The following SORCS1 variants were observed in gnomAD, a reference collection of about 807,000 sequenced individuals.
SORCS1 encodes the protein VPS10 domain-containing receptor SorCS1.
SORCS1 carries 60 observed loss-of-function variants against 146.1 expected under a neutral mutation model. That is an observed-to-expected ratio of 0.41 (90% CI 0.33 to 0.51). The LOEUF (loss-of-function observed/expected upper bound fraction) is 0.51, where lower values mean the gene tolerates loss of function less well. Among genes scored for constraint, SORCS1 ranks in the 20% least tolerant of loss-of-function variants. The pLI is 0.21. For synonymous variants in SORCS1, 637 were observed against 584.0 expected, an observed-to-expected ratio of 1.09 and a Z score of -1.31; for missense variants, 1,352 against 1,487.6, an observed-to-expected ratio of 0.91 and a Z score of 1.50.
At chr10:106,606,791 T>C (rs901615612) in intron 23 of SORCS1, among the ~76,000 whole-genome samples, 6 of 152,198 alleles carry the variant, frequency 3.9e-5, no homozygotes, top group Admixed American at 3.9e-4. Flanking sequence ...GTTCCCACGA[T>C]AGTGAGTTCT....
chr10:106,877,768 G>A (rs1053592893), intron 2 of SORCS1, among the ~76,000 whole-genome samples: 1 of 152,262 alleles, frequency 6.6e-6, no homozygotes, highest in African/African-American at 2.4e-5. Flanking sequence ...CCTTTGAAAT[G>A]CAGAACCGTA....
intron 7 of SORCS1, 121 bp downstream of exon 7, chr10:106,709,102 C>T (rs1405354305): frequency 2.8e-6 from 2 of 703,594 alleles, no homozygotes; most frequent in Non-Finnish European, 4.9e-6. Flanking sequence ...CTCTCCCTAC[C>T]TCCTTCCCTC....
At chr10:106,898,662 C>T (rs985674498) in intron 2 of SORCS1, among the ~76,000 whole-genome samples, 7 of 152,086 alleles carry the variant, frequency 4.6e-5, no homozygotes, top group African/African-American at 1.7e-4. Flanking sequence ...GCAGCTGGAG[C>T]CAGACTTGTG....
At position 106,828,682 on chromosome 10, in the gene SORCS1, C is replaced by T. The variant is rs549079665; in HGVS notation, c.726+892G>A. Among the ~76,000 whole-genome samples the T allele has an allele frequency of 3.9e-5, 6 of 152,240 alleles. No individual in the cohort carries two copies. The East Asian group carries it at 7.7e-4, about 20-fold the overall frequency. On this transcript the variant is annotated intron_variant, in intron 3 of 25. Coordinates refer to ENST00000263054, the MANE Select transcript of SORCS1 (RefSeq NM_052918.5). Reference sequence around the variant, plus strand: ...TGTAACCTATGTACTACTTAACAATCGTATGTCAGAATTTGGAATTTGATA... The same window carrying T: ...TGTAACCTATGTACTACTTAACAATTGTATGTCAGAATTTGGAATTTGATA...
chr10:107,072,026 T>C (rs1339193172), intron 1 of SORCS1, among the ~76,000 whole-genome samples: 3 of 152,142 alleles, frequency 2.0e-5, no homozygotes. Context: ...CACCAGGCAA[T>C]TTGTTCCTGG....
chr10:107,072,754 A>T (rs1962547363), intron 1 of SORCS1, among the ~76,000 whole-genome samples: 1 of 149,980 alleles, frequency 6.7e-6, no homozygotes, highest in South Asian at 2.1e-4. Flanking sequence ...AAAAAGAAAA[A>T]AAAAAGAACC....
intron 1 of SORCS1, among the ~76,000 whole-genome samples, chr10:106,966,699 C>T (rs1393435974): frequency 6.6e-6 from 1 of 152,142 alleles, no homozygotes; most frequent in Non-Finnish European, 1.5e-5. Flanking sequence ...TGTAAATTTG[C>T]TATACCCTCC....
chr10:107,081,164 T>G (rs1963304392), intron 1 of SORCS1, among the ~76,000 whole-genome samples: 1 of 152,188 alleles, frequency 6.6e-6, no homozygotes, highest in Non-Finnish European at 1.5e-5. Flanking sequence ...TCTTTAATCT[T>G]TCCCTACCTA....
At chr10:107,064,327 A>G (rs1961534057) in intron 1 of SORCS1, among the ~76,000 whole-genome samples, 1 of 152,176 alleles carries the variant, frequency 6.6e-6, no homozygotes, top group African/African-American at 2.4e-5. Flanking sequence ...CAATCAATTA[A>G]TGCATTTGGC....
chr10:107,141,518 G>A (rs1479283854), intron 1 of SORCS1, among the ~76,000 whole-genome samples: 1 of 152,128 alleles, frequency 6.6e-6, no homozygotes, highest in Non-Finnish European at 1.5e-5. Context: ...GCAGTGCTCA[G>A]ATCACTGGCT....
intron 2 of SORCS1, among the ~76,000 whole-genome samples, chr10:106,860,084 T>C (rs1231944792): frequency 6.6e-6 from 1 of 152,206 alleles, no homozygotes; most frequent in African/African-American, 2.4e-5. Flanking sequence ...GCTGAGTTTG[T>C]GTTGGGTAGG....
At chr10:106,888,164 T>C (rs1951077609) in intron 2 of SORCS1, among the ~76,000 whole-genome samples, 1 of 152,242 alleles carries the variant, frequency 6.6e-6, no homozygotes, top group African/African-American at 2.4e-5. Flanking sequence ...TCTTCCATTC[T>C]TCAGAAGCTG....
At chr10:106,718,083 G>C (rs1241202527) in intron 6 of SORCS1, among the ~76,000 whole-genome samples, 1 of 152,184 alleles carries the variant, frequency 6.6e-6, no homozygotes, top group Non-Finnish European at 1.5e-5. Context: ...AGCCTAGAAG[G>C]CTGCCTGGAA....
At chr10:106,690,330 G>T (rs11193013) in intron 9 of SORCS1, among the ~76,000 whole-genome samples, 1 of 152,300 alleles carries the variant, frequency 6.6e-6, no homozygotes, top group East Asian at 1.9e-4. Context: ...ACCATTCCCA[G>T]AAATGACAAA....
intron 3 of SORCS1, among the ~76,000 whole-genome samples, chr10:106,778,744 T>C (rs1024488859): frequency 3.3e-5 from 5 of 152,326 alleles, no homozygotes; most frequent in African/African-American, 1.2e-4. Context: ...CTCAATTTTA[T>C]AGAACATCTA....
chr10:106,777,394 C>A (rs375885499), intron 3 of SORCS1, among the ~76,000 whole-genome samples: 1 of 152,190 alleles, frequency 6.6e-6, no homozygotes, highest in African/African-American at 2.4e-5. Context: ...GAATTCCCAG[C>A]AGCTAGACTA....
chr10:107,127,267 G>A (rs1161881268), intron 1 of SORCS1, among the ~76,000 whole-genome samples: 3 of 152,012 alleles, frequency 2.0e-5, no homozygotes, highest in African/African-American at 7.3e-5. Flanking sequence ...TTATTCTTAT[G>A]TGCCTGGAAC....
chr10:107,174,281 C>T, the SORCS1 span, among the ~76,000 whole-genome samples: 1 of 152,188 alleles, frequency 6.6e-6, no homozygotes, highest in Non-Finnish European at 1.5e-5. Flanking sequence ...TCTCGGCTCA[C>T]TGCAAGCTTC....
intron 17 of SORCS1, among the ~76,000 whole-genome samples, chr10:106,666,337 G>A (rs144262416): frequency 3.3e-5 from 5 of 152,246 alleles, no homozygotes; most frequent in African/African-American, 4.8e-5. Context: ...TCCTGCCTTC[G>A]GTCTTGAACC....
Sources: gnomAD v4.1 joint callset for allele counts (sites outside exome capture counted in the v4.1 genomes callset) on GRCh38, gnomAD v4.1.1 for gene constraint, MANE v1.5 for transcripts, NCBI Gene and HGNC (gene_info 2026-07-23, HGNC 2026-07-21) for gene names.